The following VEGFC variants were observed in gnomAD, a reference collection of about 807,000 sequenced individuals.
VEGFC encodes the protein FLT4 ligand DHM.
Under a neutral mutation model 46.1 loss-of-function variants are expected in VEGFC, and 12 were observed. That is an observed-to-expected ratio of 0.26 (90% CI 0.17 to 0.42). The LOEUF (loss-of-function observed/expected upper bound fraction) is 0.42, where lower values mean the gene tolerates loss of function less well. VEGFC is among the 10% of genes least tolerant of loss of function. VEGFC has a pLI of 1.00. For synonymous variants in VEGFC, 232 were observed against 195.5 expected (o/e 1.19, Z -1.56); for missense variants, 488 against 529.4 (o/e 0.92, Z 0.77).
At chr4:176,751,319 T>C (rs1012176253) in intron 1 of VEGFC, among the ~76,000 whole-genome samples, 3 of 151,984 alleles carry the variant, frequency 2.0e-5, no homozygotes, top group Non-Finnish European at 4.4e-5. Context: ...TAGCTCTTTA[T>C]AGAATGGATG....
chr4:176,694,332 A>G (rs1734267961), intron 4 of VEGFC, among the ~76,000 whole-genome samples: 4 of 152,192 alleles, frequency 2.6e-5, no homozygotes, highest in African/African-American at 9.7e-5. Context: ...TTGTAATCCT[A>G]GTCTCTGATA....
At chr4:176,782,015 T>G (rs955498059) in intron 1 of VEGFC, among the ~76,000 whole-genome samples, 4 of 152,236 alleles carry the variant, frequency 2.6e-5, no homozygotes, top group African/African-American at 9.6e-5. Context: ...GTCTGATTAT[T>G]TTCACAAATG....
At chr4:176,730,112 C>T (rs1350659790) in intron 1 of VEGFC, among the ~76,000 whole-genome samples, 2 of 152,034 alleles carry the variant, frequency 1.3e-5, no homozygotes, top group Non-Finnish European at 2.9e-5. Context: ...CACTGAAATC[C>T]ACCCTAATGC....
intron 1 of VEGFC, among the ~76,000 whole-genome samples, chr4:176,778,812 A>G (rs1735859822): frequency 6.6e-6 from 1 of 152,024 alleles, no homozygotes; most frequent in Non-Finnish European, 1.5e-5. Context: ...AACCTTCTCA[A>G]TTTTCTAAGA....
intron 1 of VEGFC, among the ~76,000 whole-genome samples, chr4:176,767,496 TCC>T (rs1560960592): frequency 1.3e-5 from 2 of 152,076 alleles, no homozygotes; most frequent in African/African-American, 2.4e-5. Flanking sequence ...CCCAGCAATT[TCC>T]AGGGCTGATA....
intron 1 of VEGFC, among the ~76,000 whole-genome samples, chr4:176,769,409 A>C (rs1234581730): frequency 1.3e-5 from 2 of 152,160 alleles, no homozygotes; most frequent in African/African-American, 2.4e-5. Context: ...TGTGACCATC[A>C]CAGAAAAGCT....
chr4:176,768,972 TATC>T (rs983432718), intron 1 of VEGFC, among the ~76,000 whole-genome samples: 7 of 151,966 alleles, frequency 4.6e-5, no homozygotes, highest in Non-Finnish European at 7.4e-5. Flanking sequence ...CATGTTAAAA[TATC>T]AACCCCAGCG....
rs148077794 is a variant in VEGFC at position 176,712,402 on chromosome 4, T to C, written c.553-752A>G. Among the ~76,000 whole-genome samples, 711 of 152,316 alleles carry C rather than the reference T, an allele frequency of 4.7e-3. 6 individuals carry two copies. Among genetic ancestry groups the C allele is most frequent in the Admixed American group, 8.2e-3 (125 of 15,294 alleles). On this transcript the variant is annotated intron_variant, in intron 3 of 6. Coordinates refer to ENST00000618562, the MANE Select transcript of VEGFC (RefSeq NM_005429.5). ...CCTTATTTATGGATCAAGAACTTCT[T>C]GTGTTCTCTTCCTTCTCCAAAAACA...
chr4:176,752,248 AG>A (rs1417054256), intron 1 of VEGFC, among the ~76,000 whole-genome samples: 1 of 152,036 alleles, frequency 6.6e-6, no homozygotes, highest in African/African-American at 2.4e-5. Context: ...AATGGCAGAC[AG>A]GCTGCCCCGG....
intron 3 of VEGFC, among the ~76,000 whole-genome samples, chr4:176,714,058 C>T (rs564119188): frequency 1.3e-3 from 195 of 152,244 alleles, no homozygotes; most frequent in African/African-American, 4.5e-3. Context: ...GTGGCTCAGA[C>T]CAGCAGAAAC....
At chr4:176,740,523 T>C (rs1735154394) in intron 1 of VEGFC, among the ~76,000 whole-genome samples, 1 of 141,414 alleles carries the variant, frequency 7.1e-6, no homozygotes, top group South Asian at 2.2e-4. Flanking sequence ...ATATAGAGAG[T>C]ATATATAACT....
chr4:176,750,838 T>A (rs1253297963), intron 1 of VEGFC, among the ~76,000 whole-genome samples: 1 of 151,760 alleles, frequency 6.6e-6, no homozygotes, highest in African/African-American at 2.4e-5. Flanking sequence ...TAGAAATCGT[T>A]AATTAATAGA....
In VEGFC at chr4:176,719,327, G is replaced by T. The variant is rs146366153; in HGVS notation, c.553-7677C>A. ...TTTTTTTTGTTTTTTTTTACCTTAA[G>T]AAAACACAGCATTAAGAAATTTCCT... On this transcript the variant is annotated intron_variant, in intron 3 of 6. Coordinates refer to ENST00000618562, the MANE Select transcript of VEGFC (RefSeq NM_005429.5). 3.4e-3 allele frequency among the ~76,000 whole-genome samples: 517 copies of T among 151,596 alleles called. 3 individuals are homozygous for T. The highest frequency in any genetic ancestry group is 5.4e-3 in the Non-Finnish European group (369 of 67,892).
At chr4:176,733,015 G>T (rs893355845) in intron 1 of VEGFC, among the ~76,000 whole-genome samples, 10 of 151,704 alleles carry the variant, frequency 6.6e-5, no homozygotes, top group African/African-American at 2.4e-4. Context: ...CCAACAAAAA[G>T]AAGTAATATA....
intron 1 of VEGFC, among the ~76,000 whole-genome samples, chr4:176,731,158 G>A (rs984353480): frequency 1.3e-5 from 2 of 152,082 alleles, no homozygotes; most frequent in African/African-American, 4.8e-5. Flanking sequence ...ATATGGGAAG[G>A]GTGGAGGTGG....
chr4:176,687,635 AC>A, intron 5 of VEGFC, 115 bp from the exon 6 acceptor site: 1 of 1,137,998 alleles, frequency 8.8e-7, no homozygotes. Context: ...AGGATTGGGT[AC>A]AAACATGAGT....
chr4:176,783,308 A>G (rs1174003230), intron 1 of VEGFC, among the ~76,000 whole-genome samples: 1 of 152,240 alleles, frequency 6.6e-6, no homozygotes, highest in Non-Finnish European at 1.5e-5. Context: ...TAACTCTGGC[A>G]TATAGCATTC....
intron 1 of VEGFC, among the ~76,000 whole-genome samples, chr4:176,786,150 C>T (rs1319077077): frequency 6.6e-6 from 1 of 152,174 alleles, no homozygotes; most frequent in African/African-American, 2.4e-5. Flanking sequence ...TTCTGGTCAG[C>T]TTTCTTAGAC....
intron 3 of VEGFC, 128 bp from the exon 4 acceptor site, chr4:176,711,778 G>A (rs1024114016): frequency 1.1e-5 from 9 of 835,920 alleles, no homozygotes; most frequent in South Asian, 2.1e-5. Flanking sequence ...TACGCAGGAC[G>A]CTATGTTTTT....
Sources: gnomAD v4.1 joint callset for allele counts (sites outside exome capture counted in the v4.1 genomes callset) on GRCh38, gnomAD v4.1.1 for gene constraint, MANE v1.5 for transcripts, NCBI Gene and HGNC (gene_info 2026-07-23, HGNC 2026-07-21) for gene names.